CDH12: variants seen among roughly 807,000 people sequenced by gnomAD.
CDH12 encodes the protein cadherin-12.
CDH12 carries 41 observed loss-of-function variants against 74.1 expected under a neutral mutation model. The observed-to-expected ratio is 0.55, with a 90% CI of 0.43 to 0.72. CDH12 has a LOEUF of 0.72. Among genes scored for constraint, CDH12 ranks in the 30% least tolerant of loss-of-function variants. The probability of loss-of-function intolerance (pLI) is 0.00; values close to 1 mark genes in which losing one functional copy is unlikely to be tolerated. For synonymous variants in CDH12, 399 were observed against 355.0 expected (o/e 1.12, Z -1.39); for missense variants, 945 against 977.2 (o/e 0.97, Z 0.44).
At chr5:22,730,292 G>C (rs1223578523) in intron 1 of CDH12, among the ~76,000 whole-genome samples, 1 of 151,680 alleles carries the variant, frequency 6.6e-6, no homozygotes, top group Non-Finnish European at 1.5e-5. Context: ...TAGATATTTA[G>C]AAAATAATTT....
chr5:22,204,515 G>A (rs1234641976), intron 4 of CDH12, among the ~76,000 whole-genome samples: 1 of 152,306 alleles, frequency 6.6e-6, no homozygotes, highest in Middle Eastern at 3.4e-3. Context: ...ATTTGAAGTA[G>A]TAAAAAATAC....
chr5:22,432,568 T>C (rs1433893650), intron 2 of CDH12, among the ~76,000 whole-genome samples: 1 of 151,862 alleles, frequency 6.6e-6, no homozygotes, highest in African/African-American at 2.4e-5. Flanking sequence ...TGTGCGTGTG[T>C]GTGTGTGTGT....
At chr5:21,917,532 C>G (rs921816310) in intron 6 of CDH12, among the ~76,000 whole-genome samples, 1 of 152,140 alleles carries the variant, frequency 6.6e-6, no homozygotes, top group African/African-American at 2.4e-5. Flanking sequence ...ACCTTTATGC[C>G]TGTAAAGTGC....
intron 3 of CDH12, among the ~76,000 whole-genome samples, chr5:22,302,607 A>T (rs1410303313): frequency 6.6e-6 from 1 of 152,188 alleles, no homozygotes; most frequent in Non-Finnish European, 1.5e-5. Context: ...TGATCTACAT[A>T]GATATTCAAG....
At chr5:21,945,427 C>CAAAAA (rs1167475672) in intron 6 of CDH12, among the ~76,000 whole-genome samples, 234 of 15,524 alleles carry the variant, frequency 0.015, 39 homozygotes, top group East Asian at 0.018. Flanking sequence ...CTGTTTCAGA[C>CAAAAA]AAAAAAAAAA....
chr5:22,678,006 C>T lies in CDH12; in HGVS notation c.-522-172642G>A, dbSNP rs563945206. Among the ~76,000 whole-genome samples, 5 of 144,820 alleles carry T rather than the reference C, an allele frequency of 3.5e-5. No homozygotes were observed. The East Asian group carries it at 1.1e-3, about 31-fold the overall frequency. On this transcript the variant is annotated intron_variant, in intron 1 of 14. Coordinates refer to ENST00000382254, the MANE Select transcript of CDH12 (RefSeq NM_004061.5). ...CCCCAAACTTGTGACCTCATCTAAA[C>T]CTAAATACCAGAAGGCTCACCTCCT...
intron 6 of CDH12, chr5:21,884,012 T>C (rs558559008): frequency 6.6e-7 from 1 of 1,508,816 alleles, no homozygotes; most frequent in East Asian, 2.3e-5. Flanking sequence ...CACTCAAAAT[T>C]CCAGCAATGA....
intron 4 of CDH12, chr5:22,139,331 T>G (rs1285148382): frequency 1.4e-5 from 2 of 144,218 alleles, no homozygotes; most frequent in Admixed American, 7.1e-5. Context: ...GCCCAAGGGT[T>G]TAAATTGCAG....
At chr5:22,100,682 C>CACACACACAT in intron 4 of CDH12, among the ~76,000 whole-genome samples, 1 of 151,838 alleles carries the variant, frequency 6.6e-6, no homozygotes, top group African/African-American at 2.4e-5. Context: ...CACACACACA[C>CACACACACAT]ACACATACAC....
intron 1 of CDH12, among the ~76,000 whole-genome samples, chr5:22,806,710 A>G (rs1169815629): frequency 6.6e-6 from 1 of 152,018 alleles, no homozygotes; most frequent in East Asian, 1.9e-4. Context: ...TTTGATTTGC[A>G]TTTCTCTAAT....
chr5:22,073,341 TAA>T (rs1039396389), intron 5 of CDH12, among the ~76,000 whole-genome samples: 3 of 152,158 alleles, frequency 2.0e-5, no homozygotes, highest in Non-Finnish European at 4.4e-5. Context: ...TCTTCGGGGA[TAA>T]AAGAGGCAGC....
At chr5:22,580,222 G>A (rs1357533165) in intron 1 of CDH12, 1 of 300,650 alleles carries the variant, frequency 3.3e-6, no homozygotes, top group East Asian at 8.8e-5. Flanking sequence ...TGCCAATAAT[G>A]GTCAATCTTC....
At chr5:22,074,683 T>A (rs1223430136) in intron 5 of CDH12, among the ~76,000 whole-genome samples, 1 of 152,104 alleles carries the variant, frequency 6.6e-6, no homozygotes, top group Admixed American at 6.6e-5. Context: ...AGAAGACATT[T>A]ATGCAGCCAA....
intron 1 of CDH12, among the ~76,000 whole-genome samples, chr5:22,584,311 G>C (rs113706850): frequency 0.037 from 5,603 of 152,126 alleles, 323 homozygotes; most frequent in African/African-American, 0.12. Context: ...TGTTGATCAG[G>C]CTGGCCTCAA....
chr5:22,152,491 AAT>A, intron 4 of CDH12: 1 of 152,150 alleles, frequency 6.6e-6, no homozygotes, highest in South Asian at 2.1e-4. Flanking sequence ...ACATGTGTTC[AAT>A]TGTTAAAAAT....
chr5:22,698,743 T>TATA (rs1561586195), intron 1 of CDH12, among the ~76,000 whole-genome samples: 2 of 78,658 alleles, frequency 2.5e-5, no homozygotes, highest in African/African-American at 9.6e-5. Flanking sequence ...ATAGTGTGTG[T>TATA]GTGTGTGTGT....
chr5:22,727,021 A>C (rs1331970680), intron 1 of CDH12, among the ~76,000 whole-genome samples: 1 of 151,844 alleles, frequency 6.6e-6, no homozygotes, highest in Non-Finnish European at 1.5e-5. Flanking sequence ...CAATTATTAC[A>C]ATCAGATGAA....
chr5:22,309,321 C>A (rs79297039), intron 3 of CDH12, among the ~76,000 whole-genome samples: 6 of 151,870 alleles, frequency 4.0e-5, no homozygotes, highest in Non-Finnish European at 5.9e-5. Context: ...AGAAAGTGTA[C>A]GTGTTTAAGA....
chr5:22,538,444 T>A (rs1442076378), intron 1 of CDH12, among the ~76,000 whole-genome samples: 1 of 152,238 alleles, frequency 6.6e-6, no homozygotes, highest in Admixed American at 6.5e-5. Flanking sequence ...TTACAGCAGA[T>A]AATTCTTTAT....
Sources: gnomAD v4.1 joint callset for allele counts (sites outside exome capture counted in the v4.1 genomes callset) on GRCh38, gnomAD v4.1.1 for gene constraint, MANE v1.5 for transcripts, NCBI Gene and HGNC (gene_info 2026-07-23, HGNC 2026-07-21) for gene names.